ANKS1A: variants seen among roughly 807,000 people sequenced by gnomAD.
ANKS1A encodes the protein ankyrin repeat and SAM domain-containing protein 1A.
Under a neutral mutation model 120.3 loss-of-function variants are expected in ANKS1A, and 55 were observed. The observed-to-expected ratio is 0.46, with a 90% CI of 0.37 to 0.57. ANKS1A has a LOEUF of 0.57. ANKS1A is among the 20% of genes least tolerant of loss of function. The pLI is 0.00. For synonymous variants in ANKS1A, 590 were observed against 604.7 expected (o/e 0.98, Z 0.36); for missense variants, 1,123 against 1,480.3 (o/e 0.76, Z 3.96).
chr6:34,964,500 T>G (rs1770800556), intron 1 of ANKS1A, among the ~76,000 whole-genome samples: 1 of 152,204 alleles, frequency 6.6e-6, no homozygotes, highest in African/African-American at 2.4e-5. Flanking sequence ...GTCGCTTTCT[T>G]ATAACATGGT....
Position 35,041,338 on chromosome 6 carries a change from C to T in ANKS1A, c.2011-12761C>T, listed in dbSNP as rs562578374. Among the ~76,000 whole-genome samples, 51 of 152,340 alleles carry T rather than the reference C, an allele frequency of 3.3e-4. No individual in the cohort carries two copies. The Middle Eastern group carries it at 0.01, about 30-fold the overall frequency. ...TGGTGGGCTGTGATCGCTCTGGAAT[C>T]TTCTTGCAGGCTGAGATTGGAGATG... On this transcript the variant is annotated intron_variant, in intron 11 of 23. Transcript: ENST00000360359.
In ANKS1A at chr6:34,982,540, C is replaced by T. The variant is rs572818431; in HGVS notation, c.733-212C>T. ...AAGAGTAACTGTTCAGTTATTCACA[C>T]GTGGCCTGCTGGTGGCACAGAATGG... On this transcript the variant is annotated intron_variant, in intron 4 of 23. Coordinates refer to ENST00000360359, the MANE Select transcript of ANKS1A (RefSeq NM_015245.3). This position sits in a 1 kb window ranked among gnomAD's most constrained non-coding sequence, Gnocchi z 4.9. Among the ~76,000 whole-genome samples, 3 of 152,304 alleles carry T rather than the reference C, an allele frequency of 2.0e-5. No homozygotes were observed. Among genetic ancestry groups the T allele is most frequent in the Non-Finnish European group, 4.4e-5 (3 of 68,038 alleles).
intron 3 of ANKS1A, among the ~76,000 whole-genome samples, chr6:34,973,854 CCTTG>C (rs1771309835): frequency 1.9e-5 from 2 of 104,732 alleles, no homozygotes; most frequent in African/African-American, 5.0e-5. Context: ...TTCCCCTTCC[CCTTG>C]CCCTCCCCTT....
At chr6:34,890,013 G>T (rs1283889889) in intron 1 of ANKS1A, among the ~76,000 whole-genome samples, 1 of 152,006 alleles carries the variant, frequency 6.6e-6, no homozygotes, top group South Asian at 2.1e-4. Context: ...GAATCTCGAG[G>T]CTCCTCTGGA....
chr6:35,052,079 C>T (rs1290165395), intron 11 of ANKS1A, among the ~76,000 whole-genome samples: 1 of 152,066 alleles, frequency 6.6e-6, no homozygotes, highest in Non-Finnish European at 1.5e-5. Flanking sequence ...CTTTGGGAGG[C>T]CAAGGCAGGA....
chr6:34,933,259 T>G (rs1228938813), intron 1 of ANKS1A, among the ~76,000 whole-genome samples: 2 of 152,260 alleles, frequency 1.3e-5, no homozygotes, highest in Admixed American at 6.5e-5. Context: ...GATCATTCTA[T>G]CACTACTTTT....
chr6:34,989,429 T>C, intron 9 of ANKS1A, 113 bp downstream of exon 9: 1 of 941,984 alleles, frequency 1.1e-6, no homozygotes, highest in Non-Finnish European at 1.6e-6. Flanking sequence ...CTCTTTGGAT[T>C]ATAAATTTGT....
At chr6:34,994,476 TG>T in intron 10 of ANKS1A, 54 bp downstream of exon 10, 1 of 1,591,522 alleles carries the variant, frequency 6.3e-7, no homozygotes, top group Non-Finnish European at 8.6e-7. Flanking sequence ...TTTTAAAGTT[TG>T]TGATCCTGAG....
chr6:35,008,683 G>A (rs551782533), intron 10 of ANKS1A, among the ~76,000 whole-genome samples: 2 of 152,214 alleles, frequency 1.3e-5, no homozygotes, highest in Non-Finnish European at 2.9e-5. Context: ...TGTATTGACA[G>A]CCATTTATAT....
chr6:35,001,478 T>C (rs1323646765), intron 10 of ANKS1A, among the ~76,000 whole-genome samples: 1 of 152,240 alleles, frequency 6.6e-6, no homozygotes, highest in African/African-American at 2.4e-5. Context: ...TTTCCGGGAT[T>C]CTACAGCCTG....
intron 11 of ANKS1A, among the ~76,000 whole-genome samples, chr6:35,047,911 C>T (rs757892974): frequency 5.3e-5 from 8 of 152,282 alleles, no homozygotes; most frequent in Non-Finnish European, 1.0e-4. Flanking sequence ...TCCTTTCTGT[C>T]AAGCTGCAGA....
rs773361442 is a variant in ANKS1A at position 34,967,217 on chromosome 6, CTCTT to C, written c.198-20_198-17del. On this transcript the variant is annotated intron_variant, in intron 1 of 23. Transcript: ENST00000360359. ...TTCGGTCTGTGAAATCTATGTCTCT[CTCTT>C]TTTTTTTTCCCTGATAGCATGTGGA... 475 of 1,605,318 alleles carry C rather than the reference CTCTT, an allele frequency of 3.0e-4. No homozygotes were observed. Among genetic ancestry groups the C allele is most frequent in the Non-Finnish European group, 3.3e-4 (391 of 1,177,168 alleles).
chr6:34,967,761 T>A (rs1253884119), intron 2 of ANKS1A, among the ~76,000 whole-genome samples: 1 of 152,034 alleles, frequency 6.6e-6, no homozygotes, highest in Non-Finnish European at 1.5e-5. Flanking sequence ...AAAACAAACG[T>A]AAGTTCAGTT....
intron 13 of ANKS1A, among the ~76,000 whole-genome samples, chr6:35,076,042 A>G (rs1777337475): frequency 6.6e-6 from 1 of 152,190 alleles, no homozygotes; most frequent in Non-Finnish European, 1.5e-5. Context: ...TGGGATTACA[A>G]GCGTAAGCCA....
intron 11 of ANKS1A, among the ~76,000 whole-genome samples, chr6:35,029,637 A>G (rs1774801716): frequency 6.6e-6 from 1 of 151,548 alleles, no homozygotes; most frequent in Admixed American, 6.6e-5. Context: ...GGCGTGAGCC[A>G]CGGCGCCCAG....
In ANKS1A at chr6:35,088,783, G is replaced by A. The variant is rs11552397; in HGVS notation, c.*174G>A. On this transcript the variant is annotated 3_prime_UTR_variant, in exon 24 of 24. Transcript: ENST00000360359. Reference sequence around the variant, plus strand: ...CTGCCACCACCACGTCCTGCAGAACGAGCCCTGCCTTGGCTGTGGAGAAGC... The same window carrying A: ...CTGCCACCACCACGTCCTGCAGAACAAGCCCTGCCTTGGCTGTGGAGAAGC... The A allele has an allele frequency of 3.9e-3, 5,978 of 1,531,526 alleles. 46 individuals carry two copies. The highest frequency in any genetic ancestry group is 0.018 in the Middle Eastern group (104 of 5,758). 94.9% of individuals were successfully genotyped at this position (1,531,526 alleles called of 1,614,324 possible). A position where few individuals can be genotyped will look rare whatever the true frequency, so the allele number is the denominator to read the frequency against.
chr6:34,981,374 C>T (rs1771897864), intron 3 of ANKS1A, among the ~76,000 whole-genome samples: 1 of 152,182 alleles, frequency 6.6e-6, no homozygotes, highest in Admixed American at 6.5e-5. Context: ...CTTGCCAGGG[C>T]TTCCACCAAA....
At position 35,088,979 on chromosome 6, in the gene ANKS1A, A is replaced by C; in HGVS notation, c.*370A>C. 3 of 1,203,720 alleles carry C rather than the reference A, an allele frequency of 2.5e-6. No individual in the cohort carries two copies. The highest frequency in any genetic ancestry group is 3.1e-6 in the Non-Finnish European group (3 of 956,840). The allele number at this position is 1,203,720 out of a possible 1,614,324, so 74.6% of individuals were successfully genotyped here. ...CTTTAGACAAATGGCCATGGGGCAG[A>C]GGACAGGGGAGCTGAGGTTGGTTCA... On this transcript the variant is annotated 3_prime_UTR_variant, in exon 24 of 24. Transcript: ENST00000360359.
intron 10 of ANKS1A, among the ~76,000 whole-genome samples, chr6:35,014,969 GGGTAGC>G (rs1287301976): frequency 6.6e-6 from 1 of 152,210 alleles, no homozygotes; most frequent in Non-Finnish European, 1.5e-5. Flanking sequence ...CAACATCACT[GGGTAGC>G]TTTGTTCTGG....
Sources: allele counts gnomAD v4.1 joint callset (sites outside exome capture counted in the v4.1 genomes callset), GRCh38; gene constraint gnomAD v4.1.1; non-coding constraint Gnocchi (gnomAD v3.1); transcripts MANE v1.5; gene names NCBI Gene and HGNC (gene_info 2026-07-23, HGNC 2026-07-21).